The following REPS1 variants were observed in gnomAD, a reference collection of about 807,000 sequenced individuals.
The protein encoded by REPS1 is RALBP1 associated Eps domain containing 1, also known as ralBP1-associated Eps domain-containing protein 1.
A neutral mutation model predicts 100.9 loss-of-function variants in REPS1; 39 were observed. The observed-to-expected ratio is 0.39, with a 90% CI of 0.30 to 0.50. The LOEUF (loss-of-function observed/expected upper bound fraction) is 0.50. Ranked by LOEUF, REPS1 falls within the 20% of genes least tolerant of loss-of-function variation. The pLI is 0.86. For missense variants in REPS1, 821 were observed against 968.5 expected, an observed-to-expected ratio of 0.85 and a Z score of 2.02; for synonymous variants, 324 against 340.3, an observed-to-expected ratio of 0.95 and a Z score of 0.53.
chr6:138,907,382 A>G, intron 19 of REPS1, 113 bp downstream of exon 19: 1 of 665,134 alleles, frequency 1.5e-6, no homozygotes, highest in East Asian at 2.8e-5. Flanking sequence ...CATCTAGAAA[A>G]TTAGAGAAGA....
chr6:138,911,222 T>C, intron 17 of REPS1, 54 bp downstream of exon 17: 2 of 1,193,786 alleles, frequency 1.7e-6, no homozygotes, highest in Non-Finnish European at 2.5e-6. Flanking sequence ...CTAAAAATTA[T>C]TTCACATTAC....
At chr6:138,970,391 G>C (rs1784276239) in intron 1 of REPS1, among the ~76,000 whole-genome samples, 1 of 150,170 alleles carries the variant, frequency 6.7e-6, no homozygotes, top group South Asian at 2.2e-4. Context: ...TTCACTGCCA[G>C]TTGCAAGGGA....
At chr6:138,940,091 G>A (rs141063692) in intron 8 of REPS1, among the ~76,000 whole-genome samples, 119 of 152,254 alleles carry the variant, frequency 7.8e-4, no homozygotes, top group Admixed American at 2.5e-3. Context: ...AGCAAAACTA[G>A]AAGCACATTC....
rs555268504 is a variant in REPS1, at chr6:138,965,676, G to A, written c.154-17763C>T. ...TAAGCAAACCCAGACATAATTGCTTGTAAAACTCATTGAAGATAAATAATC... is the reference window on the plus strand; with the variant it reads ...TAAGCAAACCCAGACATAATTGCTTATAAAACTCATTGAAGATAAATAATC... On this transcript the variant is annotated intron_variant, in intron 1 of 19. Transcript: ENST00000450536. Among the ~76,000 whole-genome samples, 18 of 152,278 alleles carry A rather than the reference G, an allele frequency of 1.2e-4. 1 individual carries two copies. In the East Asian group the frequency reaches 2.9e-3, roughly 24 times the overall value.
chr6:138,920,191 T>G (rs771939068), intron 12 of REPS1, 24 bp downstream of exon 12: 1 of 1,201,010 alleles, frequency 8.3e-7, no homozygotes, highest in South Asian at 1.2e-5. Context: ...AAACTTCAAA[T>G]GGAAGATGTA....
chr6:138,927,389 AG>A (rs1781205035), intron 9 of REPS1: 1 of 152,226 alleles, frequency 6.6e-6, no homozygotes, highest in East Asian at 1.9e-4. Flanking sequence ...AAAATGGTAT[AG>A]AATTTTTACA....
At chr6:138,953,146 A>C (rs1783152476) in intron 1 of REPS1, among the ~76,000 whole-genome samples, 1 of 152,082 alleles carries the variant, frequency 6.6e-6, no homozygotes, top group South Asian at 2.1e-4. Context: ...TATATATTTT[A>C]TGAATGAAAT....
chr6:138,923,912 G>A (rs905819459), intron 10 of REPS1, among the ~76,000 whole-genome samples: 4 of 149,684 alleles, frequency 2.7e-5, no homozygotes, highest in African/African-American at 1.0e-4. Context: ...TAATAGAAGA[G>A]TAGAGTTTTT....
intron 2 of REPS1, among the ~76,000 whole-genome samples, chr6:138,947,039 T>TCTCTCTCTCTCG (rs1782668990): frequency 4.5e-5 from 1 of 22,364 alleles, no homozygotes; most frequent in Admixed American, 5.5e-4. Flanking sequence ...CCCCTTGCTC[T>TCTCTCTCTCTCG]CTCTCTCTCT....
At chr6:138,975,371 A>C (rs1784543107) in intron 1 of REPS1, among the ~76,000 whole-genome samples, 2 of 152,266 alleles carry the variant, frequency 1.3e-5, no homozygotes, top group African/African-American at 4.8e-5. Context: ...GCTTACTGAC[A>C]GAATAGAAGG....
intron 1 of REPS1, among the ~76,000 whole-genome samples, chr6:138,971,934 C>T (rs996256734): frequency 1.3e-5 from 2 of 152,100 alleles, no homozygotes; most frequent in African/African-American, 4.8e-5. Context: ...AAAAAGCTGC[C>T]GATGTTTTCT....
At chr6:138,939,484 TTTAA>T (rs1782087311) in intron 8 of REPS1, among the ~76,000 whole-genome samples, 1 of 152,202 alleles carries the variant, frequency 6.6e-6, no homozygotes, top group Non-Finnish European at 1.5e-5. Flanking sequence ...TTGTTTTTTA[TTTAA>T]ATTAAAGGAA....
intron 19 of REPS1, 157 bp downstream of exon 19, chr6:138,907,338 G>A: frequency 2.0e-6 from 1 of 497,000 alleles, no homozygotes; most frequent in Non-Finnish European, 3.7e-6. Context: ...GTGTGTGTGT[G>A]TGGCGGGGAG....
chr6:138,914,992 T>G, intron 14 of REPS1: 1 of 505,004 alleles, frequency 2.0e-6, no homozygotes, highest in South Asian at 2.6e-5. Context: ...GAAGCCCTCC[T>G]GGCATACTCC....
intron 1 of REPS1, among the ~76,000 whole-genome samples, chr6:138,971,097 A>T (rs765782052): frequency 6.6e-6 from 1 of 152,246 alleles, no homozygotes; most frequent in Non-Finnish European, 1.5e-5. Flanking sequence ...AGGGAAATGT[A>T]CTTAGGGAAG....
chr6:138,907,592 C>T lies in REPS1; in HGVS notation c.2225G>A (p.Gly742Glu). 1 of 1,609,072 alleles carries T rather than the reference C, an allele frequency of 6.2e-7. No individual in the cohort carries two copies. Among genetic ancestry groups the T allele is most frequent in the Non-Finnish European group, 8.5e-7 (1 of 1,175,836 alleles). ...ASQPSIPRSVGKDKKAIQASI... is the reference protein window; with the variant it reads ...ASQPSIPRSVEKDKKAIQASI... ...TGCCTGAATAGCTTTCTTATCTTTCCCAACAGATCTGAGAAGATAAAGAAG... is the reference window on the plus strand; with the variant it reads ...TGCCTGAATAGCTTTCTTATCTTTCTCAACAGATCTGAGAAGATAAAGAAG... Residue 742 changes from glycine (G) to glutamate (E), a missense_variant, in exon 19 of 20, where the codon GGG (glycine) becomes GAG (glutamate). Transcript: ENST00000450536.
chr6:138,974,864 C>T (rs1296233025), intron 1 of REPS1, among the ~76,000 whole-genome samples: 2 of 152,044 alleles, frequency 1.3e-5, no homozygotes, highest in Non-Finnish European at 2.9e-5. Context: ...GTGGCATGTG[C>T]CTGTAGTCCT....
chr6:138,936,097 G>A (rs1254128018), intron 8 of REPS1, among the ~76,000 whole-genome samples: 2 of 151,996 alleles, frequency 1.3e-5, no homozygotes, highest in Non-Finnish European at 2.9e-5. Context: ...GACTTTCATA[G>A]CACAATTGCA....
intron 8 of REPS1, among the ~76,000 whole-genome samples, chr6:138,936,696 T>C (rs890006807): frequency 2.4e-5 from 3 of 127,232 alleles, no homozygotes; most frequent in Admixed American, 2.1e-4. Context: ...ATTTTCATTA[T>C]TTTTTCCTCT....
Sources: allele counts gnomAD v4.1 joint callset (sites outside exome capture counted in the v4.1 genomes callset), GRCh38; gene constraint gnomAD v4.1.1; transcripts MANE v1.5; gene names NCBI Gene and HGNC (gene_info 2026-07-23, HGNC 2026-07-21).